Variants in ACSM2A observed in about 807,000 individuals in gnomAD.
The protein encoded by ACSM2A is acyl-CoA synthetase medium chain family member 2A.
In ACSM2A, 72 loss-of-function variants were observed where a neutral mutation model predicts 76.6. The observed-to-expected ratio is 0.94, with a 90% CI of 0.78 to 1.14. The LOEUF (loss-of-function observed/expected upper bound fraction) is 1.14. ACSM2A is among the 50% of genes most tolerant of loss of function. The pLI is 0.00. For missense variants in ACSM2A, 684 were observed against 708.5 expected, an observed-to-expected ratio of 0.97 and a Z score of 0.39; for synonymous variants, 249 against 255.9, an observed-to-expected ratio of 0.97 and a Z score of 0.26.
chr16:20,470,612 G>A (rs1342285206), intron 4 of ACSM2A, among the ~76,000 whole-genome samples: 1 of 152,208 alleles, frequency 6.6e-6, no homozygotes, highest in East Asian at 1.9e-4. Context: ...CAAGAGATAT[G>A]TAGGTGCTTC....
chr16:20,476,365 G>C (rs1203838792), intron 8 of ACSM2A: 2 of 982,614 alleles, frequency 2.0e-6, no homozygotes, highest in African/African-American at 3.5e-5. Flanking sequence ...CCTTTTTCCA[G>C]TGCCTCTTAC....
chr16:20,483,942 T>C (rs2014259690), intron 13 of ACSM2A, among the ~76,000 whole-genome samples: 1 of 152,006 alleles, frequency 6.6e-6, no homozygotes, highest in Non-Finnish European at 1.5e-5. Flanking sequence ...CTTTCCTTTG[T>C]AGTGGTTTGA....
intron 2 of ACSM2A, among the ~76,000 whole-genome samples, chr16:20,462,599 T>C (rs2012691960): frequency 6.6e-6 from 1 of 152,132 alleles, no homozygotes; most frequent in Admixed American, 6.5e-5. Context: ...TTGTTTTTGA[T>C]TTTGCATCAT....
chr16:20,462,796 C>A (rs143271830), intron 2 of ACSM2A, among the ~76,000 whole-genome samples: 1 of 151,752 alleles, frequency 6.6e-6, no homozygotes, highest in Non-Finnish European at 1.5e-5. Context: ...AAATAGAATT[C>A]CCATTCAGCA....
In ACSM2A at chr16:20,482,986, C is replaced by T. The variant is rs1032786408; in HGVS notation, c.1510-72C>T. On this transcript the variant is annotated intron_variant, in intron 12 of 13. Coordinates refer to ENST00000573854, the MANE Select transcript of ACSM2A (RefSeq NM_001308172.2). ...TACAAGGGTGATGGAAGTCTTAATG[C>T]CAATTTCACATTATTCCAGGAGATG... 46 of 1,578,098 alleles carry T rather than the reference C, an allele frequency of 2.9e-5. No homozygotes were observed. In the African/African-American group the frequency reaches 3.1e-4, roughly 11 times the overall value.
At position 20,462,411 on chromosome 16, in the gene ACSM2A, A is replaced by G. The variant is rs571384527; in HGVS notation, c.177+2120A>G. ...TTGCTTTAAAGTTAAATTATAAACT[A>G]AATTCCTCCTATAGTTAGCTTGGTC... On this transcript the variant is annotated intron_variant, in intron 2 of 13. Transcript: ENST00000573854. Among the ~76,000 whole-genome samples, 152 of 152,296 alleles carry G rather than the reference A, an allele frequency of 1.0e-3. 1 individual carries two copies. The highest frequency in any genetic ancestry group is 3.4e-3 in the African/African-American group (140 of 41,550).
chr16:20,463,220 T>G (rs2012744662), intron 2 of ACSM2A, among the ~76,000 whole-genome samples: 1 of 150,538 alleles, frequency 6.6e-6, no homozygotes, highest in African/African-American at 2.4e-5. Flanking sequence ...ACCCTAAAAC[T>G]TAAAGTATAA....
At chr16:20,483,325 T>C (rs2014200833) in intron 13 of ACSM2A, 148 bp downstream of exon 13, 1 of 1,319,890 alleles carries the variant, frequency 7.6e-7, no homozygotes, top group Admixed American at 2.3e-5. Context: ...ATCCCAGCAC[T>C]TTGGGAGGCT....
At chr16:20,470,752 C>T (rs1349138255) in intron 4 of ACSM2A, 1 of 522,818 alleles carries the variant, frequency 1.9e-6, no homozygotes, top group Non-Finnish European at 3.7e-6. Flanking sequence ...TCTTACTAAG[C>T]AATTTGCTCA....
At chr16:20,462,445 G>C (rs1321429528) in intron 2 of ACSM2A, among the ~76,000 whole-genome samples, 4 of 152,150 alleles carry the variant, frequency 2.6e-5, no homozygotes, top group African/African-American at 9.7e-5. Flanking sequence ...TCTATGCCCA[G>C]GAATGAGCAA....
At chr16:20,476,428 C>G in intron 8 of ACSM2A, 4 of 985,528 alleles carry the variant, frequency 4.1e-6, no homozygotes, top group Non-Finnish European at 4.8e-6. Flanking sequence ...TACCCTGCAT[C>G]CTTCTTTGGC....
rs188439989 is a variant in ACSM2A, at chr16:20,476,997, T to C, written c.1099-372T>C. 237 of 184,888 alleles carry C rather than the reference T, an allele frequency of 1.3e-3. 3 individuals carry two copies. The highest frequency in any genetic ancestry group is 5.2e-3 in the African/African-American group (220 of 42,462). The allele number at this position is 184,888 out of a possible 1,614,324, so 11.5% of individuals were successfully genotyped here. On this transcript the variant is annotated intron_variant, in intron 8 of 13. Transcript: ENST00000573854. ...CCTATGTACCCACAAAAATTCAAAA[T>C]AAAAATAAAAGTAGTATATTTTAGG... is the stretch of plus-strand genomic sequence containing the variant.
intron 8 of ACSM2A, 94 bp downstream of exon 8, chr16:20,475,867 C>A: frequency 6.3e-7 from 1 of 1,578,332 alleles, no homozygotes; most frequent in Non-Finnish European, 8.6e-7. Context: ...ATGTATCATT[C>A]ATCTATTCGA....
intron 2 of ACSM2A, among the ~76,000 whole-genome samples, chr16:20,462,720 A>G (rs551795603): frequency 7.9e-4 from 120 of 152,296 alleles, no homozygotes; most frequent in African/African-American, 2.8e-3. Context: ...CTTATGCATC[A>G]TGATGGGTAT....
chr16:20,462,637 CTGAGGATACA>C (rs2012694430), intron 2 of ACSM2A, among the ~76,000 whole-genome samples: 1 of 152,068 alleles, frequency 6.6e-6, no homozygotes, highest in Non-Finnish European at 1.5e-5. Flanking sequence ...CTGAGAACCC[CTGAGGATACA>C]TGAGACTCTT....
intron 1 of ACSM2A, among the ~76,000 whole-genome samples, chr16:20,458,740 G>C (rs1433470633): frequency 7.1e-6 from 1 of 141,186 alleles, no homozygotes; most frequent in African/African-American, 2.6e-5. Flanking sequence ...ATGGGAGGGA[G>C]ACAGCATGAG....
chr16:20,477,082 T>G, intron 8 of ACSM2A: 1 of 351,608 alleles, frequency 2.8e-6, no homozygotes, highest in Non-Finnish European at 4.8e-6. Flanking sequence ...GTATCCATAG[T>G]GTCGTATTAA....
intron 2 of ACSM2A, among the ~76,000 whole-genome samples, chr16:20,463,464 C>G (rs1056046814): frequency 1.3e-5 from 2 of 151,694 alleles, no homozygotes; most frequent in African/African-American, 4.9e-5. Flanking sequence ...GCACCATCCC[C>G]TTCGTTATGA....
intron 13 of ACSM2A, among the ~76,000 whole-genome samples, chr16:20,484,796 C>T (rs2014298342): frequency 6.6e-6 from 1 of 152,146 alleles, no homozygotes; most frequent in South Asian, 2.1e-4. Flanking sequence ...GATGTGTAGG[C>T]TGCCCTGGGA....
Sources: gnomAD v4.1 joint callset for allele counts (sites outside exome capture counted in the v4.1 genomes callset) on GRCh38, gnomAD v4.1.1 for gene constraint, MANE v1.5 for transcripts, NCBI Gene and HGNC (gene_info 2026-07-23, HGNC 2026-07-21) for gene names.